Variants in RIMS2 observed in about 807,000 individuals in gnomAD.
RIMS2 encodes the protein regulating synaptic membrane exocytosis 2.
Under a neutral mutation model 174.4 loss-of-function variants are expected in RIMS2, and 59 were observed. The observed-to-expected ratio is 0.34, with a 90% confidence interval of 0.27 to 0.42. The LOEUF (loss-of-function observed/expected upper bound fraction) is 0.42. Among genes scored for constraint, RIMS2 ranks in the 10% least tolerant of loss-of-function variants. The probability of loss-of-function intolerance (pLI) is 1.00; values close to 1 mark genes in which losing one functional copy is unlikely to be tolerated. For missense variants in RIMS2, 1,620 were observed against 1,666.3 expected (o/e 0.97, Z 0.48); for synonymous variants, 606 against 572.5 (o/e 1.06, Z -0.84).
At chr8:104,240,678 A>T (rs2099284239) in intron 19 of RIMS2, among the ~76,000 whole-genome samples, 1 of 152,152 alleles carries the variant, frequency 6.6e-6, no homozygotes, top group Non-Finnish European at 1.5e-5. Flanking sequence ...AAGATATCAG[A>T]TATCATCTGC....
rs757760119 is a variant in RIMS2 at position 103,573,548 on chromosome 8, G to C, written c.176+72486G>C. On this transcript the variant is annotated intron_variant, in intron 1 of 23. Coordinates refer to ENST00000504942, the Ensembl canonical transcript of RIMS2. ...GTTGTAGGTGTGCAGCTTTGTTTTT[G>C]GGTTCTCTATTCTGCTATGTTGGTC... Among the ~76,000 whole-genome samples, 3 of 151,956 alleles carry C rather than the reference G, an allele frequency of 2.0e-5. No individual in the cohort carries two copies. The East Asian group carries it at 5.8e-4, about 29-fold the overall frequency.
chr8:104,058,570 T>G (rs2154559930), intron 19 of RIMS2, among the ~76,000 whole-genome samples: 1 of 150,690 alleles, frequency 6.6e-6, no homozygotes, highest in Non-Finnish European at 1.5e-5. Context: ...CTCTTTAGTT[T>G]AATTAGATCC....
At chr8:104,012,473 C>T (rs2095795004) in intron 17 of RIMS2, among the ~76,000 whole-genome samples, 1 of 151,328 alleles carries the variant, frequency 6.6e-6, no homozygotes, top group Non-Finnish European at 1.5e-5. Context: ...GCTTTCTTGA[C>T]TGTCTATATT....
intron 2 of RIMS2, among the ~76,000 whole-genome samples, chr8:103,721,357 A>T (rs1431712903): frequency 1.3e-5 from 2 of 152,208 alleles, no homozygotes; most frequent in East Asian, 3.8e-4. Context: ...GAATGGGCTA[A>T]TACAGGTCTC....
chr8:104,183,184 A>T (rs561711430), intron 19 of RIMS2, among the ~76,000 whole-genome samples: 1 of 151,774 alleles, frequency 6.6e-6, no homozygotes, highest in South Asian at 2.1e-4. Context: ...TATCAAAGGG[A>T]TTGCTTTCTA....
chr8:104,155,409 CTTTTT>C (rs10578958), intron 19 of RIMS2, among the ~76,000 whole-genome samples: 2 of 81,010 alleles, frequency 2.5e-5, no homozygotes, highest in Non-Finnish European at 4.5e-5. Context: ...CCCGGCCTTG[CTTTTT>C]TTTTTTTTTT....
At chr8:103,734,861 A>G (rs912237582) in intron 2 of RIMS2, among the ~76,000 whole-genome samples, 1 of 151,944 alleles carries the variant, frequency 6.6e-6, no homozygotes, top group Non-Finnish European at 1.5e-5. Flanking sequence ...ACCTCTTATT[A>G]TAAGGCCTGA....
intron 19 of RIMS2, among the ~76,000 whole-genome samples, chr8:104,107,372 T>C (rs754998030): frequency 1.3e-5 from 2 of 152,214 alleles, no homozygotes; most frequent in Non-Finnish European, 2.9e-5. Flanking sequence ...TCCCCTGTGA[T>C]AGTTTTTTAA....
At chr8:103,853,269 T>TG (rs2099009434) in intron 3 of RIMS2, among the ~76,000 whole-genome samples, 2 of 151,288 alleles carry the variant, frequency 1.3e-5, no homozygotes, top group South Asian at 4.2e-4. Context: ...ACTTTTTAAT[T>TG]TTTTTTTGCT....
intron 1 of RIMS2, among the ~76,000 whole-genome samples, chr8:103,535,999 TTC>T (rs1415296758): frequency 6.6e-6 from 1 of 152,212 alleles, no homozygotes; most frequent in Non-Finnish European, 1.5e-5. Flanking sequence ...AATACTTGTA[TTC>T]TTATGATATA....
At chr8:103,657,200 A>G (rs1333455332) in intron 1 of RIMS2, among the ~76,000 whole-genome samples, 1 of 152,180 alleles carries the variant, frequency 6.6e-6, no homozygotes, top group Non-Finnish European at 1.5e-5. Context: ...CAGGTTCACT[A>G]AAGACCAAAA....
Position 104,068,674 on chromosome 8 carries a change from T to C in RIMS2, c.3334+54059T>C. 7 of 822,366 alleles carry C rather than the reference T, an allele frequency of 8.5e-6. No individual in the cohort carries two copies. In the South Asian group the frequency reaches 1.0e-4, roughly 12 times the overall value. 50.9% of individuals were successfully genotyped at this position (822,366 alleles called of 1,614,324 possible). A position where few individuals can be genotyped will look rare whatever the true frequency, so the allele number is the denominator to read the frequency against. On this transcript the variant is annotated intron_variant, in intron 19 of 23. Coordinates refer to ENST00000504942, the Ensembl canonical transcript of RIMS2. ...CAATCATATGAAACAGTTAGATTCT[T>C]TTAAACTACTAAATGCAGATTAGTC... is the stretch of plus-strand genomic sequence containing the variant.
chr8:103,517,829 T>TAACAG (rs1446768455), intron 1 of RIMS2, among the ~76,000 whole-genome samples: 2 of 151,992 alleles, frequency 1.3e-5, no homozygotes. Flanking sequence ...AGATCTGGGG[T>TAACAG]ATCCAATCTT....
intron 4 of RIMS2, among the ~76,000 whole-genome samples, chr8:103,893,326 G>A (rs73697696): frequency 0.036 from 5,476 of 152,054 alleles, 306 homozygotes; most frequent in African/African-American, 0.12. Context: ...TTGTATCTGG[G>A]GTAGGCTTTT....
intron 3 of RIMS2, among the ~76,000 whole-genome samples, chr8:103,794,519 A>G (rs1032901272): frequency 1.3e-5 from 2 of 152,236 alleles, no homozygotes; most frequent in Admixed American, 1.3e-4. Context: ...GGACATAGGC[A>G]TGGGCAAGGA....
intron 19 of RIMS2, among the ~76,000 whole-genome samples, chr8:104,142,240 G>A (rs895411173): frequency 1.3e-5 from 2 of 150,188 alleles, no homozygotes; most frequent in African/African-American, 4.9e-5. Context: ...CGATTCTCCT[G>A]CCTCAACCTC....
chr8:103,872,754 TTGTAGAAAC>T (rs1272990526), intron 3 of RIMS2, among the ~76,000 whole-genome samples: 1 of 152,200 alleles, frequency 6.6e-6, no homozygotes, highest in Admixed American at 6.6e-5. Flanking sequence ...ATGCGTAGCT[TTGTAGAAAC>T]TGTACCTAAT....
chr8:103,927,907 C>G, intron 11 of RIMS2: 1 of 1,597,358 alleles, frequency 6.3e-7, no homozygotes, highest in Non-Finnish European at 8.5e-7. Flanking sequence ...CCTTGTCTGC[C>G]TGATAGAAAC....
At chr8:103,527,374 T>G (rs1475220882) in intron 1 of RIMS2, among the ~76,000 whole-genome samples, 4 of 152,144 alleles carry the variant, frequency 2.6e-5, no homozygotes, top group Non-Finnish European at 4.4e-5. Flanking sequence ...CATCATCCAG[T>G]ATACTTTATT....
Sources: gnomAD v4.1 joint callset for allele counts (sites outside exome capture counted in the v4.1 genomes callset) on GRCh38, gnomAD v4.1.1 for gene constraint, MANE v1.5 for transcripts, NCBI Gene and HGNC (gene_info 2026-07-23, HGNC 2026-07-21) for gene names.